The following NEGR1 variants were observed in gnomAD, a reference collection of about 807,000 sequenced individuals.
NEGR1 encodes the protein neuronal growth regulator 1.
A neutral mutation model predicts 40.9 loss-of-function variants in NEGR1; 10 were observed. The observed-to-expected ratio is 0.24, with a 90% CI of 0.15 to 0.42. The LOEUF (loss-of-function observed/expected upper bound fraction) is 0.42. NEGR1 is among the 10% of genes least tolerant of loss of function. NEGR1 has a pLI of 1.00. For synonymous variants in NEGR1, 185 were observed against 166.8 expected, an observed-to-expected ratio of 1.11 and a Z score of -0.84; for missense variants, 352 against 438.9, an observed-to-expected ratio of 0.80 and a Z score of 1.77.
rs1245338233 is a variant in NEGR1, at chr1:71,782,542, A to C, written c.410-6245T>G. Among the ~76,000 whole-genome samples the C allele has an allele frequency of 2.6e-5, 4 of 152,152 alleles. No homozygotes were observed. The East Asian group carries it at 7.7e-4, about 29-fold the overall frequency. ...TTTATTATCTGTATCTCTTCATAGA[A>C]TCTAAGTAGAGACCTAGGGTAGGGA... is the stretch of plus-strand genomic sequence containing the variant. On this transcript the variant is annotated intron_variant, in intron 2 of 6. Coordinates refer to ENST00000357731, the MANE Select transcript of NEGR1 (RefSeq NM_173808.3).
At chr1:71,585,684 C>A (rs921115072) in intron 6 of NEGR1, among the ~76,000 whole-genome samples, 7 of 149,264 alleles carry the variant, frequency 4.7e-5, no homozygotes, top group African/African-American at 1.7e-4. Flanking sequence ...TACAACCTCT[C>A]CATCTTTTTT....
At position 71,404,830 on chromosome 1, in the gene NEGR1, G is replaced by A. The variant is rs182173809; in HGVS notation, c.*2616C>T. 2 of 152,278 alleles carry A rather than the reference G, an allele frequency of 1.3e-5. No homozygotes were observed. The highest frequency in any genetic ancestry group is 3.9e-4 in the East Asian group (2 of 5,176). 9.4% of individuals were successfully genotyped at this position (152,278 alleles called of 1,614,324 possible). On this transcript the variant is annotated 3_prime_UTR_variant, in exon 7 of 7. Transcript: ENST00000357731. ...GCTATTCTGAAATTGCAACAATCTT[G>A]TACAGTCAGGACTGATAAAATGGGG...
chr1:71,773,896 C>T (rs1443589256), intron 3 of NEGR1, among the ~76,000 whole-genome samples: 2 of 152,100 alleles, frequency 1.3e-5, no homozygotes, highest in African/African-American at 4.8e-5. Flanking sequence ...TGTATCCAAG[C>T]ACTTTTAAAA....
intron 1 of NEGR1, among the ~76,000 whole-genome samples, chr1:72,193,900 T>G (rs1036908956): frequency 2.0e-5 from 3 of 151,750 alleles, no homozygotes; most frequent in African/African-American, 7.2e-5. Flanking sequence ...ACCCCAAGGT[T>G]TCACATTCAT....
chr1:71,512,748 C>T (rs1055218431), intron 6 of NEGR1, among the ~76,000 whole-genome samples: 2 of 151,584 alleles, frequency 1.3e-5, no homozygotes, highest in Non-Finnish European at 2.9e-5. Flanking sequence ...CGCCTGGCTA[C>T]GTTTTGCATT....
At chr1:72,179,652 A>G (rs1570088385) in intron 1 of NEGR1, among the ~76,000 whole-genome samples, 1 of 152,100 alleles carries the variant, frequency 6.6e-6, no homozygotes, top group African/African-American at 2.4e-5. Flanking sequence ...GGCATAAAGT[A>G]CTAGGCATTT....
chr1:71,726,042 A>C (rs1035044817), intron 3 of NEGR1, among the ~76,000 whole-genome samples: 2 of 152,152 alleles, frequency 1.3e-5, no homozygotes, highest in Non-Finnish European at 2.9e-5. Context: ...TGATGCTTGG[A>C]AAGAATGCTG....
At chr1:71,887,897 C>T (rs987210768) in intron 2 of NEGR1, among the ~76,000 whole-genome samples, 2 of 151,984 alleles carry the variant, frequency 1.3e-5, no homozygotes, top group African/African-American at 2.4e-5. Flanking sequence ...CTCCCCTACC[C>T]CCACCTGGAG....
At chr1:71,564,709 T>G (rs149206313) in intron 6 of NEGR1, among the ~76,000 whole-genome samples, 2 of 152,114 alleles carry the variant, frequency 1.3e-5, no homozygotes, top group Non-Finnish European at 2.9e-5. Context: ...GCCAGTCGTT[T>G]TTATAAAATT....
chr1:72,100,748 T>C (rs1169074007), intron 1 of NEGR1: 1 of 152,208 alleles, frequency 6.6e-6, no homozygotes, highest in Non-Finnish European at 1.5e-5. Context: ...TGTATACCTG[T>C]ATTAGTTTGC....
intron 4 of NEGR1, among the ~76,000 whole-genome samples, chr1:71,662,310 G>A (rs1283936253): frequency 6.6e-6 from 1 of 152,106 alleles, no homozygotes; most frequent in Non-Finnish European, 1.5e-5. Flanking sequence ...CTATCCACAG[G>A]CATAGATGTT....
At chr1:71,671,866 C>T (rs1391368507) in intron 4 of NEGR1, among the ~76,000 whole-genome samples, 2 of 149,316 alleles carry the variant, frequency 1.3e-5, no homozygotes, top group Non-Finnish European at 3.0e-5. Context: ...ATTTTGAAGG[C>T]ATATTTTATT....
At chr1:71,902,513 C>T (rs887787658) in intron 2 of NEGR1, among the ~76,000 whole-genome samples, 6 of 152,150 alleles carry the variant, frequency 3.9e-5, no homozygotes, top group African/African-American at 1.4e-4. Context: ...TGGTAACTGT[C>T]TTCAATGTGA....
intron 1 of NEGR1, among the ~76,000 whole-genome samples, chr1:72,053,772 T>C (rs1167732329): frequency 6.6e-6 from 1 of 151,174 alleles, no homozygotes; most frequent in Non-Finnish European, 1.5e-5. Context: ...CTTTAGAGAC[T>C]TACCTAATAG....
intron 2 of NEGR1, among the ~76,000 whole-genome samples, chr1:71,852,086 A>T (rs1272602285): frequency 6.6e-6 from 1 of 152,190 alleles, no homozygotes; most frequent in Non-Finnish European, 1.5e-5. Flanking sequence ...CAAACATTTA[A>T]ACTGTTTCAT....
chr1:71,714,677 A>G (rs1654214493), intron 3 of NEGR1, among the ~76,000 whole-genome samples: 1 of 152,190 alleles, frequency 6.6e-6, no homozygotes, highest in Non-Finnish European at 1.5e-5. Context: ...TAAAGTTCCA[A>G]AATGATCTCC....
intron 5 of NEGR1, among the ~76,000 whole-genome samples, chr1:71,599,875 T>C (rs980220438): frequency 1.3e-5 from 2 of 152,206 alleles, no homozygotes; most frequent in African/African-American, 4.8e-5. Context: ...ACAGTACAGA[T>C]GTCAAGCCTC....
chr1:71,874,140 T>G (rs1055736830), intron 2 of NEGR1, among the ~76,000 whole-genome samples: 1 of 152,164 alleles, frequency 6.6e-6, no homozygotes, highest in Non-Finnish European at 1.5e-5. Flanking sequence ...ACTTGGTTCT[T>G]CATGTGAAAT....
intron 3 of NEGR1, among the ~76,000 whole-genome samples, chr1:71,731,953 A>G (rs1261309350): frequency 1.3e-5 from 2 of 152,172 alleles, no homozygotes; most frequent in Non-Finnish European, 2.9e-5. Flanking sequence ...CTTATTGTGG[A>G]GATACTAATT....
Sources: allele counts gnomAD v4.1 joint callset (sites outside exome capture counted in the v4.1 genomes callset), GRCh38; gene constraint gnomAD v4.1.1; transcripts MANE v1.5; gene names NCBI Gene and HGNC (gene_info 2026-07-23, HGNC 2026-07-21).